ACOT13: variants seen among roughly 807,000 people sequenced by gnomAD.
ACOT13 encodes the protein acyl-CoA thioesterase 13.
In ACOT13, 10 loss-of-function variants were observed where a neutral mutation model predicts 11.8. That is an observed-to-expected ratio of 0.85 (90% CI 0.53 to 1.44). ACOT13 has a LOEUF of 1.44. Ranked by LOEUF, ACOT13 falls within the 40% of genes most tolerant of loss-of-function variation. The probability of loss-of-function intolerance (pLI) is 0.00; values close to 1 mark genes in which losing one functional copy is unlikely to be tolerated. For missense variants in ACOT13, 172 were observed against 174.1 expected (o/e 0.99, Z 0.07); for synonymous variants, 53 against 61.0 (o/e 0.87, Z 0.61).
intron 1 of ACOT13, among the ~76,000 whole-genome samples, chr6:24,680,902 G>A (rs773899395): frequency 2.4e-4 from 37 of 152,300 alleles, no homozygotes; most frequent in Middle Eastern, 6.8e-3. Flanking sequence ...CCAATTATTA[G>A]GCAATTTTTC....
At chr6:24,692,439 C>T (rs1778730788) in intron 1 of ACOT13, among the ~76,000 whole-genome samples, 1 of 152,208 alleles carries the variant, frequency 6.6e-6, no homozygotes, top group Admixed American at 6.5e-5. Flanking sequence ...GTTTTGGGGA[C>T]AGGGTCTCAC....
At chr6:24,696,487 C>G (rs994190556) in intron 1 of ACOT13, among the ~76,000 whole-genome samples, 8 of 152,152 alleles carry the variant, frequency 5.3e-5, no homozygotes, top group Admixed American at 5.2e-4. Flanking sequence ...ATCAAAGTGC[C>G]TAATAAATGG....
chr6:24,699,208 C>CT (rs1248890393), intron 2 of ACOT13, among the ~76,000 whole-genome samples: 3,504 of 127,072 alleles, frequency 0.028, 112 homozygotes, highest in African/African-American at 0.058. Flanking sequence ...ATAATGTAGG[C>CT]TTTTTTTTTT....
intron 1 of ACOT13, among the ~76,000 whole-genome samples, chr6:24,672,155 C>G (rs1778375777): frequency 6.6e-6 from 1 of 152,106 alleles, no homozygotes; most frequent in Non-Finnish European, 1.5e-5. Context: ...GATCACAGGT[C>G]ATTATAAAAT....
chr6:24,689,010 C>T (rs1201412919), intron 1 of ACOT13, among the ~76,000 whole-genome samples: 2 of 152,040 alleles, frequency 1.3e-5, no homozygotes, highest in Non-Finnish European at 2.9e-5. Flanking sequence ...CTGGCTAATG[C>T]AAATTAAAAC....
At chr6:24,667,591 G>A (rs1582429482) in intron 1 of ACOT13, among the ~76,000 whole-genome samples, 1 of 152,174 alleles carries the variant, frequency 6.6e-6, no homozygotes, top group East Asian at 1.9e-4. Context: ...TTCCAAGGCT[G>A]GGAGGGACTT....
intron 1 of ACOT13, among the ~76,000 whole-genome samples, chr6:24,680,786 C>A (rs867615471): frequency 6.6e-6 from 1 of 152,150 alleles, no homozygotes; most frequent in African/African-American, 2.4e-5. Flanking sequence ...TATGCAAATT[C>A]GTTTCAGAGA....
At chr6:24,673,654 C>T (rs558064707) in intron 1 of ACOT13, among the ~76,000 whole-genome samples, 15 of 152,260 alleles carry the variant, frequency 9.9e-5, no homozygotes, top group East Asian at 7.7e-4. Flanking sequence ...AGCCACCATT[C>T]GTAGGCAAAT....
chr6:24,674,364 C>T (rs1451709784), intron 1 of ACOT13, among the ~76,000 whole-genome samples: 1 of 151,664 alleles, frequency 6.6e-6, no homozygotes, highest in Non-Finnish European at 1.5e-5. Flanking sequence ...CCTAAATAAG[C>T]TTTGAATTAG....
At position 24,704,743 on chromosome 6, in the gene ACOT13, CA is replaced by C. The variant is rs1778966137; in HGVS notation, c.*3129del. ...GATTCCTGTTCTTGTTGAAGTTACA[CA>C]CTCAATTGCCAGGTATTTTTCTTCT... On this transcript the variant is annotated 3_prime_UTR_variant, in exon 3 of 3. Coordinates refer to ENST00000230048, the MANE Select transcript of ACOT13 (RefSeq NM_018473.4). 6.6e-6 allele frequency: 1 copy of C among 152,168 alleles called. No individual in the cohort carries two copies. Among genetic ancestry groups the C allele is most frequent in the Admixed American group, 6.5e-5 (1 of 15,280 alleles). 9.4% of individuals were successfully genotyped at this position (152,168 alleles called of 1,614,324 possible).
intron 1 of ACOT13, among the ~76,000 whole-genome samples, chr6:24,671,677 ACAG>A (rs1372120268): frequency 6.6e-6 from 1 of 152,118 alleles, no homozygotes; most frequent in African/African-American, 2.4e-5. Context: ...AAAAACAACA[ACAG>A]CAACAACAAA....
At chr6:24,672,753 G>A (rs1778384142) in intron 1 of ACOT13, among the ~76,000 whole-genome samples, 1 of 152,218 alleles carries the variant, frequency 6.6e-6, no homozygotes, top group Non-Finnish European at 1.5e-5. Context: ...GGGCCCATAA[G>A]CTGATCTTGC....
chr6:24,671,294 G>A (rs889922283), intron 1 of ACOT13, among the ~76,000 whole-genome samples: 1 of 152,156 alleles, frequency 6.6e-6, no homozygotes, highest in African/African-American at 2.4e-5. Context: ...AAAAAAGGAT[G>A]AGTTCATGTC....
rs181072190 is a variant in ACOT13 at position 24,692,105 on chromosome 6, C to A, written c.82-5778C>A. Reference sequence around the variant, plus strand: ...CTTCTGAGTGAGTCCAGTATCAAGTCTGGTCTTTGAACGACTAGTTAACTC... The same window carrying A: ...CTTCTGAGTGAGTCCAGTATCAAGTATGGTCTTTGAACGACTAGTTAACTC... On this transcript the variant is annotated intron_variant, in intron 1 of 2. Coordinates refer to ENST00000230048, the MANE Select transcript of ACOT13 (RefSeq NM_018473.4). Among the ~76,000 whole-genome samples, 273 of 152,252 alleles carry A rather than the reference C, an allele frequency of 1.8e-3. No homozygotes were observed. The Middle Eastern group carries it at 0.024, about 13-fold the overall frequency.
rs779136889 is a variant in ACOT13 at position 24,667,225 on chromosome 6, G to C, written c.-39G>C. ...GGACTTTCCAGCTCTTCCGAAGTTC[G>C]TTCTTGCGCAAAGCCCAAAGGCTGG... On this transcript the variant is annotated 5_prime_UTR_variant, in exon 1 of 3. Coordinates refer to ENST00000230048, the MANE Select transcript of ACOT13 (RefSeq NM_018473.4). The C allele has an allele frequency of 1.1e-5, 17 of 1,603,014 alleles. No individual in the cohort carries two copies. The highest frequency in any genetic ancestry group is 1.2e-5 in the Non-Finnish European group (14 of 1,171,186).
rs777928755 is a variant in ACOT13, at chr6:24,667,113, G to A, written c.-151G>A. The stretch of plus-strand genomic sequence containing the variant: ...CGCGGACCACCGGGGCTGCCAGCTC[G>A]CCTGACTCCCGGCCTCTTGCGCTCC... On this transcript the variant is annotated 5_prime_UTR_variant, in exon 1 of 3. Transcript: ENST00000230048. 1.1e-6 allele frequency: 1 copy of A among 886,724 alleles called. No individual in the cohort carries two copies. Among genetic ancestry groups the A allele is most frequent in the Non-Finnish European group, 1.7e-6 (1 of 587,618 alleles). 54.9% of individuals were successfully genotyped at this position (886,724 alleles called of 1,614,324 possible). A position where few individuals can be genotyped will look rare whatever the true frequency, so the allele number is the denominator to read the frequency against.
chr6:24,693,430 T>C (rs931251873), intron 1 of ACOT13, among the ~76,000 whole-genome samples: 11 of 152,148 alleles, frequency 7.2e-5, no homozygotes, highest in Non-Finnish European at 1.6e-4. Flanking sequence ...GCAGTTACAG[T>C]GATGGCAGTG....
intron 2 of ACOT13, among the ~76,000 whole-genome samples, chr6:24,700,704 G>A (rs970563941): frequency 6.6e-6 from 1 of 151,928 alleles, no homozygotes; most frequent in African/African-American, 2.4e-5. Flanking sequence ...CCAAAGTGCT[G>A]GGATTACAGG....
chr6:24,690,416 G>A (rs1778702440), intron 1 of ACOT13, among the ~76,000 whole-genome samples: 1 of 152,116 alleles, frequency 6.6e-6, no homozygotes, highest in Admixed American at 6.5e-5. Context: ...TATCAGAGAA[G>A]TCTTGCCAAT....
Sources: gnomAD v4.1 joint callset for allele counts (sites outside exome capture counted in the v4.1 genomes callset) on GRCh38, gnomAD v4.1.1 for gene constraint, MANE v1.5 for transcripts, NCBI Gene and HGNC (gene_info 2026-07-23, HGNC 2026-07-21) for gene names.